SLIT1: variants seen among roughly 807,000 people sequenced by gnomAD.
The protein encoded by SLIT1 is slit guidance ligand 1.
SLIT1 carries 66 observed loss-of-function variants against 186.1 expected under a neutral mutation model. The ratio of observed to expected loss-of-function variants is 0.35; its 90% CI spans 0.29 to 0.44. The LOEUF (loss-of-function observed/expected upper bound fraction) is 0.44. SLIT1 is among the 20% of genes least tolerant of loss of function. The probability of loss-of-function intolerance (pLI) is 1.00; values close to 1 mark genes in which losing one functional copy is unlikely to be tolerated. For missense variants in SLIT1, 1,638 were observed against 2,037.4 expected (o/e 0.80, Z 3.77); for synonymous variants, 761 against 833.8 (o/e 0.91, Z 1.50).
intron 22 of SLIT1, among the ~76,000 whole-genome samples, chr10:97,035,560 TG>T (rs1178265653): frequency 6.6e-6 from 1 of 152,216 alleles, no homozygotes; most frequent in African/African-American, 2.4e-5. Flanking sequence ...CCTCTCTCTC[TG>T]GCTCCTGCCT....
intron 4 of SLIT1, among the ~76,000 whole-genome samples, chr10:97,156,434 C>T (rs1018968733): frequency 1.3e-5 from 2 of 152,060 alleles, no homozygotes; most frequent in Admixed American, 1.3e-4. Context: ...AAAAATTAGC[C>T]AGGCATGGTA....
At chr10:97,096,489 G>A (rs554401440) in intron 4 of SLIT1, among the ~76,000 whole-genome samples, 1 of 152,110 alleles carries the variant, frequency 6.6e-6, no homozygotes, top group South Asian at 2.1e-4. Context: ...AGCTCTGATT[G>A]AAGCCGGGAG....
intron 20 of SLIT1, 28 bp from the exon 21 acceptor site, chr10:97,040,148 C>G: frequency 6.5e-7 from 1 of 1,528,952 alleles, no homozygotes; most frequent in Non-Finnish European, 8.8e-7. Flanking sequence ...AAGCCCCTGT[C>G]AGGGAGGTGG....
chr10:97,158,012 G>T, intron 3 of SLIT1, 123 bp from the exon 4 acceptor site: 1 of 750,958 alleles, frequency 1.3e-6, no homozygotes, highest in Non-Finnish European at 2.3e-6. Context: ...CAGGGTCCAT[G>T]TGGCATCCCA....
intron 1 of SLIT1, among the ~76,000 whole-genome samples, chr10:97,174,328 T>G (rs929053176): frequency 6.6e-6 from 1 of 152,228 alleles, no homozygotes; most frequent in Non-Finnish European, 1.5e-5. Flanking sequence ...AGAGCAACCC[T>G]GCCCACTGAG....
intron 3 of SLIT1, among the ~76,000 whole-genome samples, 192 bp downstream of exon 3, chr10:97,163,188 G>C (rs1306961119): frequency 6.6e-6 from 1 of 152,214 alleles, no homozygotes; most frequent in Non-Finnish European, 1.5e-5. Flanking sequence ...ACCCACTCCA[G>C]GTTTCTCTGT....
intron 24 of SLIT1, 140 bp downstream of exon 24, chr10:97,031,466 G>A: frequency 1.6e-6 from 1 of 618,776 alleles, no homozygotes. Flanking sequence ...AGTATCCACA[G>A]GGGCTTAAGT....
At chr10:97,171,714 G>A (rs1179876736) in intron 1 of SLIT1, among the ~76,000 whole-genome samples, 1 of 152,052 alleles carries the variant, frequency 6.6e-6, no homozygotes, top group Non-Finnish European at 1.5e-5. Flanking sequence ...AGCCACTTGG[G>A]AGGCTGAGAC....
intron 4 of SLIT1, among the ~76,000 whole-genome samples, chr10:97,092,997 C>A (rs773083976): frequency 2.2e-4 from 33 of 152,232 alleles, no homozygotes; most frequent in Non-Finnish European, 4.0e-4. Flanking sequence ...GGTTACACAG[C>A]TGGGAGTCCA....
chr10:97,120,873 C>T lies in SLIT1; in HGVS notation c.413+36945G>A, dbSNP rs149521562. 3.9e-4 allele frequency among the ~76,000 whole-genome samples: 60 copies of T among 152,270 alleles called. 2 individuals carry two copies. The East Asian group carries it at 9.4e-3, about 24-fold the overall frequency. Reference sequence around the variant, plus strand: ...GGGAGAAGCTGCCTGAAATGAGAGCCGATCCAAATAAAATGCTTACAATGG... The same window carrying T: ...GGGAGAAGCTGCCTGAAATGAGAGCTGATCCAAATAAAATGCTTACAATGG... On this transcript the variant is annotated intron_variant, in intron 4 of 36. Coordinates refer to ENST00000266058, the MANE Select transcript of SLIT1 (RefSeq NM_003061.3).
intron 26 of SLIT1, among the ~76,000 whole-genome samples, chr10:97,020,323 G>A (rs1848491425): frequency 1.3e-5 from 2 of 152,178 alleles, no homozygotes; most frequent in African/African-American, 2.4e-5. Context: ...AGTTCAGTTT[G>A]TGAAACTTCA....
intron 4 of SLIT1, among the ~76,000 whole-genome samples, chr10:97,146,791 CT>C (rs1377715876): frequency 6.6e-6 from 1 of 152,018 alleles, no homozygotes; most frequent in African/African-American, 2.4e-5. Flanking sequence ...GGCGGCGCCC[CT>C]TTTTTCAGCC....
intron 1 of SLIT1, among the ~76,000 whole-genome samples, chr10:97,169,879 G>A (rs1285891612): frequency 6.6e-6 from 1 of 152,236 alleles, no homozygotes; most frequent in East Asian, 1.9e-4. Context: ...CTTGCATGGT[G>A]CCACAAGGCT....
intron 4 of SLIT1, among the ~76,000 whole-genome samples, chr10:97,149,637 G>A (rs1402322559): frequency 6.6e-6 from 1 of 151,986 alleles, no homozygotes; most frequent in Non-Finnish European, 1.5e-5. Context: ...GTGTGACCCT[G>A]GGAATCTGAA....
intron 3 of SLIT1, among the ~76,000 whole-genome samples, chr10:97,161,111 G>A (rs889367080): frequency 9.2e-5 from 14 of 152,098 alleles, no homozygotes; most frequent in Admixed American, 5.2e-4. Flanking sequence ...CTCAGGCGGC[G>A]ACCATTGAAC....
chr10:97,181,083 G>C (rs1042358613), intron 1 of SLIT1, among the ~76,000 whole-genome samples: 1 of 152,158 alleles, frequency 6.6e-6, no homozygotes, highest in Non-Finnish European at 1.5e-5. Flanking sequence ...TTTACAGATG[G>C]GGAAACTGGG....
rs1231725791 is a variant in SLIT1, at chr10:97,002,856, G to A, written c.4002C>T (p.Gly1334=). 8.7e-6 allele frequency: 14 copies of A among 1,614,196 alleles called. No homozygotes were observed. The highest frequency in any genetic ancestry group is 5.0e-5 in the Admixed American group (3 of 60,030). ...GGCAGGGTTCGCAGCCTGGCACCAC[G>A]CCTGGCTTCATCTGCGTCTTGGTGA... ...QDFTKTQMKP[G]VVPGCEPCRK... is the part of the protein sequence containing the mutation. Residue 1334 remains glycine (G), a synonymous_variant, in exon 35 of 37, where the codon GGC becomes GGT. Transcript: ENST00000266058.
intron 4 of SLIT1, among the ~76,000 whole-genome samples, chr10:97,106,236 G>C (rs182564377): frequency 2.0e-5 from 3 of 152,218 alleles, no homozygotes; most frequent in Admixed American, 2.0e-4. Context: ...TGAGACTTTT[G>C]AGGCAGAGGT....
chr10:97,067,937 C>G (rs956070645), intron 4 of SLIT1, among the ~76,000 whole-genome samples: 3 of 152,160 alleles, frequency 2.0e-5, no homozygotes, highest in Non-Finnish European at 4.4e-5. Context: ...CTTGAACTGT[C>G]AAGGCCGCCG....
Sources: gnomAD v4.1 joint callset for allele counts (sites outside exome capture counted in the v4.1 genomes callset) on GRCh38, gnomAD v4.1.1 for gene constraint, MANE v1.5 for transcripts, NCBI Gene and HGNC (gene_info 2026-07-23, HGNC 2026-07-21) for gene names.